NIBAN1: variants seen among roughly 807,000 people sequenced by gnomAD.
The protein encoded by NIBAN1 is protein Niban 1.
In NIBAN1, 81 loss-of-function variants were observed where a neutral mutation model predicts 75.1. That is an observed-to-expected ratio of 1.08 (90% confidence interval 0.90 to 1.30). NIBAN1 has a LOEUF of 1.30. NIBAN1 is among the 50% of genes most tolerant of loss of function. NIBAN1 has a pLI of 0.00. For missense variants in NIBAN1, 1,133 were observed against 1,128.1 expected, an observed-to-expected ratio of 1.00 and a Z score of -0.06; for synonymous variants, 436 against 424.8, an observed-to-expected ratio of 1.03 and a Z score of -0.32.
chr1:184,800,560 A>T (rs1289875482), intron 12 of NIBAN1, among the ~76,000 whole-genome samples: 7 of 151,068 alleles, frequency 4.6e-5, no homozygotes, highest in African/African-American at 1.7e-4. Flanking sequence ...TAAGGAAGGG[A>T]TCCAGTTTCA....
intron 9 of NIBAN1, among the ~76,000 whole-genome samples, chr1:184,814,411 G>C (rs1358814859): frequency 3.9e-5 from 6 of 151,916 alleles, no homozygotes; most frequent in Admixed American, 3.9e-4. Flanking sequence ...CATAAAATTT[G>C]GTTTTCTCTT....
intron 9 of NIBAN1, among the ~76,000 whole-genome samples, chr1:184,811,875 T>A (rs1032251431): frequency 1.3e-5 from 2 of 152,210 alleles, no homozygotes; most frequent in African/African-American, 4.8e-5. Context: ...GGATGTCAAC[T>A]GCTATTCCCT....
At chr1:184,858,623 A>G (rs1263322789) in intron 5 of NIBAN1, among the ~76,000 whole-genome samples, 1 of 152,244 alleles carries the variant, frequency 6.6e-6, no homozygotes, top group Non-Finnish European at 1.5e-5. Flanking sequence ...TTTATAGTCT[A>G]TCAGAAAATT....
chr1:184,839,439 A>C (rs1331779366), intron 5 of NIBAN1, among the ~76,000 whole-genome samples: 1 of 152,176 alleles, frequency 6.6e-6, no homozygotes, highest in African/African-American at 2.4e-5. Context: ...GGGTTTCCCA[A>C]AAGGGAGCAT....
At chr1:184,930,584 G>A (rs948549333) in intron 1 of NIBAN1, among the ~76,000 whole-genome samples, 1 of 152,176 alleles carries the variant, frequency 6.6e-6, no homozygotes, top group Non-Finnish European at 1.5e-5. Context: ...TATGATTTAT[G>A]AAATGTGGAC....
chr1:184,929,418 T>C (rs1312325262), intron 1 of NIBAN1, among the ~76,000 whole-genome samples: 1 of 152,234 alleles, frequency 6.6e-6, no homozygotes, highest in Non-Finnish European at 1.5e-5. Flanking sequence ...TATTCAAATG[T>C]TCAAGTACCC....
At chr1:184,916,993 A>T (rs1026159937) in intron 1 of NIBAN1, among the ~76,000 whole-genome samples, 1 of 152,010 alleles carries the variant, frequency 6.6e-6, no homozygotes, top group Non-Finnish European at 1.5e-5. Flanking sequence ...CCCTAAGAAA[A>T]TCTTTCTTCA....
At chr1:184,813,942 A>G (rs1654455763) in intron 9 of NIBAN1, among the ~76,000 whole-genome samples, 1 of 152,254 alleles carries the variant, frequency 6.6e-6, no homozygotes, top group Non-Finnish European at 1.5e-5. Flanking sequence ...AAAAGTTGCT[A>G]TGAGTTAACA....
intron 5 of NIBAN1, among the ~76,000 whole-genome samples, chr1:184,884,102 A>AC (rs1656446806): frequency 6.6e-6 from 1 of 151,666 alleles, no homozygotes; most frequent in Non-Finnish European, 1.5e-5. Flanking sequence ...GTTCTGCTTC[A>AC]CCGGGGCCTC....
intron 4 of NIBAN1, among the ~76,000 whole-genome samples, chr1:184,889,101 T>C (rs1157656224): frequency 6.6e-6 from 1 of 152,256 alleles, no homozygotes; most frequent in African/African-American, 2.4e-5. Context: ...CTATGTAGTA[T>C]GATTTATGCA....
intron 11 of NIBAN1, among the ~76,000 whole-genome samples, chr1:184,804,785 TTTTTTTG>T (rs967234519): frequency 1.3e-5 from 2 of 151,458 alleles, no homozygotes; most frequent in Non-Finnish European, 2.9e-5. Context: ...TTTTTTTTTG[TTTTTTTG>T]TTTTTTGTTT....
At chr1:184,917,712 A>G (rs777007226) in intron 1 of NIBAN1, among the ~76,000 whole-genome samples, 2 of 151,718 alleles carry the variant, frequency 1.3e-5, no homozygotes, top group Admixed American at 1.3e-4. Flanking sequence ...GACCCCCCCA[A>G]TATTTTTCGT....
chr1:184,949,218 C>T (rs1182993908), intron 1 of NIBAN1, among the ~76,000 whole-genome samples: 1 of 152,048 alleles, frequency 6.6e-6, no homozygotes, highest in Non-Finnish European at 1.5e-5. Context: ...ATTAGCCAGG[C>T]GTGGTGGCGG....
At chr1:184,811,841 G>T (rs1654390651) in intron 9 of NIBAN1, among the ~76,000 whole-genome samples, 1 of 152,140 alleles carries the variant, frequency 6.6e-6, no homozygotes, top group East Asian at 1.9e-4. Flanking sequence ...GTCCCTTTTG[G>T]CTAGGAACGG....
At chr1:184,883,593 T>C (rs574778644) in intron 5 of NIBAN1, among the ~76,000 whole-genome samples, 5 of 152,364 alleles carry the variant, frequency 3.3e-5, no homozygotes, top group African/African-American at 1.2e-4. Flanking sequence ...TTACTATTGA[T>C]GTCACATTGC....
intron 5 of NIBAN1, among the ~76,000 whole-genome samples, chr1:184,840,480 A>G (rs1655253823): frequency 6.6e-6 from 1 of 152,084 alleles, no homozygotes. Flanking sequence ...AGAATATAAA[A>G]CACTTCTCAA....
chr1:184,963,160 A>G (rs1343464809), intron 1 of NIBAN1, among the ~76,000 whole-genome samples: 2 of 152,160 alleles, frequency 1.3e-5, no homozygotes, highest in African/African-American at 4.8e-5. Flanking sequence ...ATATCTTAGC[A>G]ATGGAACAAT....
At chr1:184,956,786 T>C (rs761778139) in intron 1 of NIBAN1, among the ~76,000 whole-genome samples, 5 of 152,176 alleles carry the variant, frequency 3.3e-5, no homozygotes, top group African/African-American at 4.8e-5. Context: ...AAGGTGTCCA[T>C]GGTACCATGC....
At chr1:184,862,076 C>T (rs749233003) in intron 5 of NIBAN1, among the ~76,000 whole-genome samples, 1 of 152,146 alleles carries the variant, frequency 6.6e-6, no homozygotes, top group Non-Finnish European at 1.5e-5. Context: ...ATTGACCTGG[C>T]CTTTTCCTTG....
Sources: gnomAD v4.1 joint callset for allele counts (sites outside exome capture counted in the v4.1 genomes callset) on GRCh38, gnomAD v4.1.1 for gene constraint, MANE v1.5 for transcripts, NCBI Gene and HGNC (gene_info 2026-07-23, HGNC 2026-07-21) for gene names.